The following ARL17B variants were observed in gnomAD, a reference collection of about 807,000 sequenced individuals.
ARL17B encodes ARF like GTPase 17B, also known as ADP-ribosylation factor-like protein 17.
chr17:46,283,971 G>T (rs2696510), intron 4 of ARL17B, among the ~76,000 whole-genome samples: 21,721 of 150,336 alleles, frequency 0.14, 1,950 homozygotes, highest in Non-Finnish European at 0.22. Context: ...AAAGCAGTAT[G>T]GCTGCCCGCG....
At chr17:46,285,241 CTTT>C (rs56201620) in intron 4 of ARL17B, among the ~76,000 whole-genome samples, 4 of 138,378 alleles carry the variant, frequency 2.9e-5, no homozygotes, top group African/African-American at 2.7e-5. Context: ...CTTTTCTTTC[CTTT>C]TTTTTTTTTT....
chr17:46,279,500 C>CTTTTT (rs369361891), intron 4 of ARL17B, among the ~76,000 whole-genome samples: 75 of 122,244 alleles, frequency 6.1e-4, no homozygotes, highest in South Asian at 9.9e-4. Context: ...TTCTTTCTTT[C>CTTTTT]TTTTTTTTTT....
intron 3 of ARL17B, among the ~76,000 whole-genome samples, chr17:46,324,919 C>A (rs1212353126): frequency 1.3e-5 from 1 of 77,128 alleles, no homozygotes; most frequent in East Asian, 2.4e-4. Flanking sequence ...GTTTGTTACA[C>A]AATTTACTGC....
Position 46,305,419 on chromosome 17 carries a change from A to G in ARL17B, c.260-5754T>C. 2 of 389,552 alleles carry G rather than the reference A, an allele frequency of 5.1e-6. 1 individual carries two copies. Among genetic ancestry groups the G allele is most frequent in the South Asian group, 6.1e-5 (2 of 32,912 alleles). 24.1% of individuals were successfully genotyped at this position (389,552 alleles called of 1,614,324 possible). ...CAAACGTTTAGAGTTGAGATGAAAA[A>G]TAGGTATTCAGTATTATTCTAAACT... On this transcript the variant is annotated intron_variant, in intron 3 of 4. Transcript: ENST00000434041.
intron 4 of ARL17B, among the ~76,000 whole-genome samples, chr17:46,282,903 G>A (rs2049808694): frequency 6.6e-6 from 1 of 152,200 alleles, no homozygotes; most frequent in African/African-American, 2.4e-5. Context: ...CGGATCACCT[G>A]AGGTCAGGAG....
intron 3 of ARL17B, among the ~76,000 whole-genome samples, chr17:46,340,483 TGAG>T (rs1346112909): frequency 5.9e-5 from 4 of 67,810 alleles, no homozygotes; most frequent in Non-Finnish European, 1.1e-4. Flanking sequence ...CCCAAAGGGC[TGAG>T]ATTACAGGTG....
At chr17:46,286,548 A>G (rs1442515695) in intron 4 of ARL17B, among the ~76,000 whole-genome samples, 1 of 152,266 alleles carries the variant, frequency 6.6e-6, no homozygotes, top group Non-Finnish European at 1.5e-5. Context: ...TATGTTACAT[A>G]TTGAAGAATC....
At chr17:46,304,984 T>C (rs2050477033) in intron 3 of ARL17B, among the ~76,000 whole-genome samples, 1 of 80,260 alleles carries the variant, frequency 1.2e-5, no homozygotes, top group African/African-American at 3.2e-5. Context: ...TTCTCCTGCC[T>C]CAGCCTCCTG....
At chr17:46,289,096 C>T (rs1042346128) in intron 4 of ARL17B, among the ~76,000 whole-genome samples, 21 of 152,232 alleles carry the variant, frequency 1.4e-4, no homozygotes, top group African/African-American at 5.1e-4. Flanking sequence ...ATGATCAAAG[C>T]AAACTATATT....
At chr17:46,277,636 CT>C (rs1309652171) in intron 4 of ARL17B, among the ~76,000 whole-genome samples, 1 of 127,462 alleles carries the variant, frequency 7.8e-6, no homozygotes, top group Non-Finnish European at 1.8e-5. Flanking sequence ...CTTTTCTTTT[CT>C]TTTCTTTCTT....
intron 4 of ARL17B, among the ~76,000 whole-genome samples, chr17:46,276,784 TTTTTTC>T (rs1474925552): frequency 1.3e-5 from 2 of 149,730 alleles, no homozygotes; most frequent in East Asian, 3.9e-4. Context: ...ATTTTTTTCT[TTTTTTC>T]TTTTTTTTTT....
At chr17:46,327,118 T>C (rs1470447162) in intron 3 of ARL17B, among the ~76,000 whole-genome samples, 2 of 86,448 alleles carry the variant, frequency 2.3e-5, no homozygotes, top group Admixed American at 1.2e-4. Flanking sequence ...GTCTTGTAAA[T>C]TGTCCCACAA....
rs576813973 is a variant in ARL17B at position 46,281,587 on chromosome 17, G to C, written c.*22-6169C>G. Among the ~76,000 whole-genome samples, 26 of 152,290 alleles carry C rather than the reference G, an allele frequency of 1.7e-4. 1 individual carries two copies. Among genetic ancestry groups the C allele is most frequent in the African/African-American group, 6.3e-4 (26 of 41,538 alleles). On this transcript the variant is annotated intron_variant, in intron 4 of 4. Transcript: ENST00000570618. ...TAGGACTACAGGTGCACGCCACTAT[G>C]CCTGGTTAATTTTTAAAATTTTTGT...
At chr17:46,278,549 G>A (rs1567850076) in intron 4 of ARL17B, among the ~76,000 whole-genome samples, 2 of 151,566 alleles carry the variant, frequency 1.3e-5, no homozygotes, top group South Asian at 2.1e-4. Context: ...GATTACAGGC[G>A]CTCACCACTG....
At chr17:46,280,332 C>A (rs1417658885) in intron 4 of ARL17B, among the ~76,000 whole-genome samples, 3 of 152,048 alleles carry the variant, frequency 2.0e-5, no homozygotes, top group Non-Finnish European at 4.4e-5. Flanking sequence ...CCACTGCACT[C>A]CAGCCTGGGC....
intron 4 of ARL17B, among the ~76,000 whole-genome samples, chr17:46,276,071 T>C (rs1283954938): frequency 6.6e-6 from 1 of 152,130 alleles, no homozygotes; most frequent in Non-Finnish European, 1.5e-5. Flanking sequence ...TTGTACTTTT[T>C]GTAGAGACGA....
At chr17:46,287,512 TAAG>T (rs2049952101) in intron 4 of ARL17B, among the ~76,000 whole-genome samples, 1 of 152,264 alleles carries the variant, frequency 6.6e-6, no homozygotes, top group African/African-American at 2.4e-5. Context: ...CAAAATATGC[TAAG>T]AAGAAGAAAA....
chr17:46,361,766 T>TG (rs2053010224), upstream of ARL17B: 1 of 130,346 alleles, frequency 7.7e-6, no homozygotes, highest in South Asian at 2.5e-4. Flanking sequence ...ACGACAGGCG[T>TG]GGGGGCAGGA....
rs1432916339 is a variant in ARL17B at position 46,340,983 on chromosome 17, C to T, written c.260-1209G>A. Among the ~76,000 whole-genome samples, 4 of 74,662 alleles carry T rather than the reference C, an allele frequency of 5.4e-5. 1 individual carries two copies. The highest frequency in any genetic ancestry group is 1.7e-4 in the African/African-American group (4 of 23,676). The allele number at this position is 74,662 out of a possible 152,430, so 49.0% of individuals were successfully genotyped here. On this transcript the variant is annotated intron_variant, in intron 3 of 3. Coordinates refer to ENST00000450673, the MANE Select transcript of ARL17B (RefSeq NM_001039083.5). ...TTTGAACTCCTGGCCTCAAGTGATC[C>T]TCCCGCCTTGGTCTCTCAACGTACT...
Sources: gnomAD v4.1 joint callset for allele counts (sites outside exome capture counted in the v4.1 genomes callset) on GRCh38, gnomAD v4.1.1 for gene constraint, MANE v1.5 for transcripts, NCBI Gene and HGNC (gene_info 2026-07-23, HGNC 2026-07-21) for gene names.